ADD1: variants seen among roughly 807,000 people sequenced by gnomAD.
ADD1 encodes adducin 1, also known as alpha-adducin.
ADD1 carries 24 observed loss-of-function variants against 80.5 expected under a neutral mutation model. That is an observed-to-expected ratio of 0.30 (90% CI 0.22 to 0.42). The LOEUF is 0.42. Ranked by LOEUF, ADD1 falls within the 10% of genes least tolerant of loss-of-function variation. ADD1 has a pLI of 1.00. For synonymous variants in ADD1, 373 were observed against 393.8 expected, an observed-to-expected ratio of 0.95 and a Z score of 0.63; for missense variants, 948 against 1,019.0, an observed-to-expected ratio of 0.93 and a Z score of 0.95.
In ADD1 at chr4:2,899,272, C is replaced by T; in HGVS notation, c.998C>T (p.Ala333Val). 1 of 1,610,684 alleles carries T rather than the reference C, an allele frequency of 6.2e-7. No homozygotes were observed. The highest frequency in any genetic ancestry group is 8.5e-7 in the Non-Finnish European group (1 of 1,177,274). Residue 333 changes from alanine (A) to valine (V), a missense_variant, in exon 9 of 16, where the codon GCC becomes GTC. Physicochemically the swap from Ala to Val is moderately conservative, Grantham distance 64. Coordinates refer to ENST00000683351, the MANE Select transcript of ADD1 (RefSeq NM_001354761.2). ...GTTTTGGAAAAGGTTCGAACTCTGG[C>T]CAGTGCAGGAGGACCAGACAACTTA... ...VACEIQVRTL[A>V]SAGGPDNLVL...
chr4:2,926,080 C>G lies in ADD1; in HGVS notation c.2015C>G (p.Pro672Arg). The G allele has an allele frequency of 6.2e-7, 1 of 1,614,156 alleles. No homozygotes were observed. The highest frequency in any genetic ancestry group is 1.1e-5 in the South Asian group (1 of 91,072). ...SPPDQPAVPH[P>R]PPSTPIKLEE... Reference sequence around the variant, plus strand: ...CCAGACCAGCCTGCGGTCCCCCACCCGCCTCCCAGCACTCCCATCAAGCTG... The same window carrying G: ...CCAGACCAGCCTGCGGTCCCCCACCGGCCTCCCAGCACTCCCATCAAGCTG... Residue 672 changes from proline to arginine, a missense_variant, in exon 15 of 16, where the codon CCG (proline) becomes CGG (arginine). Transcript: ENST00000683351. This position sits in a 1 kb window ranked among gnomAD's most constrained non-coding sequence, Gnocchi z 5.0.
At chr4:2,852,278 CTTCTTTTCTTTTCTT>C (rs58878174) in intron 1 of ADD1, among the ~76,000 whole-genome samples, 16 of 111,326 alleles carry the variant, frequency 1.4e-4, no homozygotes, top group Middle Eastern at 4.5e-3. Flanking sequence ...TCCTTCCTTC[CTTCTTTTCTTTTCTT>C]TTCTTTTCTT....
intron 6 of ADD1, 42 bp downstream of exon 6, chr4:2,894,773 T>C (rs749140799): frequency 1.3e-6 from 2 of 1,562,182 alleles, no homozygotes; most frequent in Admixed American, 2.2e-5. Flanking sequence ...CTAAAGCTGC[T>C]GAGTGAAAGG....
At chr4:2,899,809 A>G (rs938939872) in intron 9 of ADD1, 1 of 342,982 alleles carries the variant, frequency 2.9e-6, no homozygotes, top group South Asian at 2.3e-5. Context: ...TTGTCTTAAC[A>G]GCAAATCCTG....
chr4:2,914,887 G>C lies in ADD1; in HGVS notation c.1795G>C (p.Glu599Gln). ...CAGATGTGCCTTTCATCCACAGGGA[G>C]AGCTGGTGACGGCCTCCAAGGCCAT... ...PAKSLSFRKG[E>Q]LVTASKAIIE... The change falls in exon 14 of 16, where the codon GAG becomes CAG. Residue 599 changes from glutamate (E) to glutamine (Q), a missense_variant. Transcript: ENST00000683351. 1 of 1,610,046 alleles carries C rather than the reference G, an allele frequency of 6.2e-7. No homozygotes were observed. The highest frequency in any genetic ancestry group is 8.5e-7 in the Non-Finnish European group (1 of 1,177,832).
intron 1 of ADD1, among the ~76,000 whole-genome samples, chr4:2,875,685 A>T (rs1213030004): frequency 1.3e-5 from 2 of 152,152 alleles, no homozygotes; most frequent in Non-Finnish European, 2.9e-5. Flanking sequence ...CTAGGACAAA[A>T]CACAGCATTG....
chr4:2,882,251 ACTC>A (rs1434445133), intron 3 of ADD1, among the ~76,000 whole-genome samples, 191 bp downstream of exon 3: 3 of 152,024 alleles, frequency 2.0e-5, no homozygotes, highest in Admixed American at 2.0e-4. Flanking sequence ...AATGTTGCAG[ACTC>A]CTCTTTTCTT....
rs564464474 is a variant in ADD1 at position 2,909,766 on chromosome 4, T to G, written c.1791+335T>G. Among the ~76,000 whole-genome samples the G allele has an allele frequency of 9.9e-4, 150 of 152,164 alleles. 1 individual carries two copies. The highest frequency in any genetic ancestry group is 3.5e-3 in the Admixed American group (53 of 15,290). On this transcript the variant is annotated intron_variant, in intron 13 of 15. Coordinates refer to ENST00000683351, the MANE Select transcript of ADD1 (RefSeq NM_001354761.2). Reference sequence around the variant, plus strand: ...AATTTGCCTTTTCCATGACTCTGACTGCAGACAGCCTCTTCTGGGCAGTCT... The same window carrying G: ...AATTTGCCTTTTCCATGACTCTGACGGCAGACAGCCTCTTCTGGGCAGTCT...
rs181518576 is a variant in ADD1 at position 2,916,630 on chromosome 4, T to G, written c.1948+1590T>G. 1.1e-3 allele frequency among the ~76,000 whole-genome samples: 167 copies of G among 152,316 alleles called. 1 individual carries two copies. The highest frequency in any genetic ancestry group is 3.6e-3 in the Admixed American group (55 of 15,292). On this transcript the variant is annotated intron_variant, in intron 14 of 15. Transcript: ENST00000683351. ...ACACGTGCCGTGGTGGTGGCACATG[T>G]ATGGGTGGCACCCATCATCTACATT... is the stretch of plus-strand genomic sequence containing the variant.
At chr4:2,850,540 C>G (rs1265611013) in intron 1 of ADD1, among the ~76,000 whole-genome samples, 4 of 152,194 alleles carry the variant, frequency 2.6e-5, no homozygotes, top group Admixed American at 2.0e-4. Context: ...ATTCTCCTGC[C>G]TCAGCCTCCT....
chr4:2,917,055 C>T (rs191295591), intron 14 of ADD1, among the ~76,000 whole-genome samples: 3 of 152,266 alleles, frequency 2.0e-5, no homozygotes, highest in East Asian at 3.9e-4. Flanking sequence ...TACCCAGTAA[C>T]GGGATTGCTG....
Position 2,905,895 on chromosome 4 carries a change from T to A in ADD1, c.1506+787T>A, listed in dbSNP as rs1736973186. 2.6e-5 allele frequency among the ~76,000 whole-genome samples: 4 copies of A among 152,204 alleles called. No individual in the cohort carries two copies. In the South Asian group the frequency reaches 6.2e-4, roughly 24 times the overall value. On this transcript the variant is annotated intron_variant, in intron 10 of 15. Coordinates refer to ENST00000683351, the MANE Select transcript of ADD1 (RefSeq NM_001354761.2). Reference sequence around the variant, plus strand: ...TGAAGATGGGTCTTTATTCCTCCTGTAACCTACCTCTAACAGTCCACCCAG... The same window carrying A: ...TGAAGATGGGTCTTTATTCCTCCTGAAACCTACCTCTAACAGTCCACCCAG...
chr4:2,844,332 G>C (rs560972973), intron 1 of ADD1: 1 of 152,656 alleles, frequency 6.6e-6, no homozygotes, highest in Non-Finnish European at 1.5e-5. Flanking sequence ...GGTGGGGGCG[G>C]AGGAGGACGA....
intron 9 of ADD1, chr4:2,901,370 A>C (rs1298881761): frequency 1.3e-5 from 2 of 152,224 alleles, no homozygotes; most frequent in Admixed American, 6.5e-5. Context: ...TAGAAGGCGG[A>C]GAGGGGGAAG....
At chr4:2,912,400 C>T (rs761045765) in intron 13 of ADD1, among the ~76,000 whole-genome samples, 6 of 152,198 alleles carry the variant, frequency 3.9e-5, no homozygotes, top group Non-Finnish European at 8.8e-5. Flanking sequence ...AGCTCTCCAC[C>T]ACTGGGGACC....
rs1399027594 is a variant in ADD1 at position 2,894,798 on chromosome 4, T to C, written c.741+67T>C. On this transcript the variant is annotated intron_variant, in intron 6 of 15. Coordinates refer to ENST00000683351, the MANE Select transcript of ADD1 (RefSeq NM_001354761.2). The stretch of plus-strand genomic sequence containing the variant: ...TGAGTGAAAGGCACTGCACGTTTCC[T>C]CTGAATTGCCCTTGTTGTTTATAGT... 13 of 1,495,466 alleles carry C rather than the reference T, an allele frequency of 8.7e-6. No homozygotes were observed. The Admixed American group carries it at 2.3e-4, about 27-fold the overall frequency. 92.6% of individuals were successfully genotyped at this position (1,495,466 alleles called of 1,614,324 possible).
At chr4:2,846,675 A>G (rs779484981) in intron 1 of ADD1, among the ~76,000 whole-genome samples, 1 of 152,076 alleles carries the variant, frequency 6.6e-6, no homozygotes, top group Non-Finnish European at 1.5e-5. Context: ...ATATCCTTCA[A>G]AAGTAGCCAA....
chr4:2,928,795 G>C lies in ADD1; in HGVS notation c.*272G>C, dbSNP rs1034955888. ...GGGGAGGCACTAAGTCATGGTCCTG[G>C]CTGGAAGGTACTGAAGGCTTCTGCA... is the stretch of plus-strand genomic sequence containing the variant. On this transcript the variant is annotated 3_prime_UTR_variant, in exon 16 of 16. Transcript: ENST00000683351. 1 of 450,608 alleles carries C rather than the reference G, an allele frequency of 2.2e-6. No individual in the cohort carries two copies. The highest frequency in any genetic ancestry group is 3.9e-6 in the Non-Finnish European group (1 of 255,660). 27.9% of individuals were successfully genotyped at this position (450,608 alleles called of 1,614,324 possible).
intron 6 of ADD1, among the ~76,000 whole-genome samples, chr4:2,897,226 C>T (rs1735393642): frequency 6.6e-6 from 1 of 151,908 alleles, no homozygotes; most frequent in Non-Finnish European, 1.5e-5. Context: ...ACTTTAGGGT[C>T]ATAATGTTGC....
Sources: gnomAD v4.1 joint callset for allele counts (sites outside exome capture counted in the v4.1 genomes callset) on GRCh38, gnomAD v4.1.1 for gene constraint, Gnocchi (gnomAD v3.1) non-coding constraint, MANE v1.5 for transcripts, NCBI Gene and HGNC (gene_info 2026-07-23, HGNC 2026-07-21) for gene names.